Variants in KAZN observed in about 807,000 individuals in gnomAD.
The protein encoded by KAZN is kazrin, periplakin interacting protein, also known as kazrin.
In KAZN, 40 loss-of-function variants were observed where a neutral mutation model predicts 87.4. The observed-to-expected ratio is 0.46, with a 90% CI of 0.36 to 0.60. The LOEUF (loss-of-function observed/expected upper bound fraction) is 0.60. Ranked by LOEUF, KAZN falls within the 20% of genes least tolerant of loss-of-function variation. The probability of loss-of-function intolerance (pLI) is 0.00; values close to 1 mark genes in which losing one functional copy is unlikely to be tolerated. For synonymous variants in KAZN, 466 were observed against 458.3 expected (o/e 1.02, Z -0.22); for missense variants, 898 against 1,073.9 (o/e 0.84, Z 2.29).
At chr1:14,171,123 A>G (rs1296309628) in intron 1 of KAZN, among the ~76,000 whole-genome samples, 1 of 152,220 alleles carries the variant, frequency 6.6e-6, no homozygotes, top group Admixed American at 6.5e-5. Context: ...GCAGCACTTC[A>G]TTCCTACTGT....
chr1:14,589,539 G>T (rs59945838), intron 2 of KAZN, among the ~76,000 whole-genome samples: 1 of 152,234 alleles, frequency 6.6e-6, no homozygotes, highest in African/African-American at 2.4e-5. Flanking sequence ...CTTATACAGC[G>T]TACACCATTT....
chr1:15,007,056 CAAAAAAAAAAAA>C (rs35245453), intron 2 of KAZN, among the ~76,000 whole-genome samples: 3 of 67,912 alleles, frequency 4.4e-5, no homozygotes, highest in Non-Finnish European at 2.8e-5. Flanking sequence ...GACTCCGTCT[CAAAAAAAAAAAA>C]AAAAAAAAAG....
chr1:15,111,271 T>TTTTTGTTGTTG (rs1553192158), intron 13 of KAZN, among the ~76,000 whole-genome samples: 23 of 147,588 alleles, frequency 1.6e-4, no homozygotes, highest in East Asian at 1.4e-3. Flanking sequence ...GTTGTTGTTG[T>TTTTTGTTGTTG]TTGTTGTTGT....
At chr1:14,339,100 G>C (rs1204487182) in intron 2 of KAZN, among the ~76,000 whole-genome samples, 1 of 146,304 alleles carries the variant, frequency 6.8e-6, no homozygotes, top group East Asian at 2.0e-4. Flanking sequence ...GAGAGAGACA[G>C]AGACTGAGAG....
chr1:13,955,881 G>T (rs1346096502), intron 1 of KAZN, among the ~76,000 whole-genome samples: 1 of 152,144 alleles, frequency 6.6e-6, no homozygotes, highest in African/African-American at 2.4e-5. Context: ...CCTCTGGGGT[G>T]GGCCATCTTC....
chr1:14,164,302 T>C (rs1459495655), intron 1 of KAZN, among the ~76,000 whole-genome samples: 1 of 152,144 alleles, frequency 6.6e-6, no homozygotes, highest in Non-Finnish European at 1.5e-5. Flanking sequence ...CTAGAAGATA[T>C]GCCTTTAGAT....
At chr1:14,113,061 A>G (rs1644534370) in intron 1 of KAZN, among the ~76,000 whole-genome samples, 1 of 152,158 alleles carries the variant, frequency 6.6e-6, no homozygotes, top group Non-Finnish European at 1.5e-5. Flanking sequence ...TCACTTTTTC[A>G]ATGTGCACCC....
intron 2 of KAZN, among the ~76,000 whole-genome samples, chr1:14,326,179 C>T (rs1656398346): frequency 1.3e-5 from 2 of 152,134 alleles, no homozygotes; most frequent in South Asian, 2.1e-4. Flanking sequence ...CTAGTTTCAT[C>T]TCTCATGTCT....
rs146434482 is a variant in KAZN, at chr1:14,090,881, C to T, written c.92-89554C>T. Among the ~76,000 whole-genome samples the T allele has an allele frequency of 2.6e-4, 39 of 151,956 alleles. 1 individual carries two copies. Among genetic ancestry groups the T allele is most frequent in the South Asian group, 4.2e-4 (2 of 4,802 alleles). On this transcript the variant is annotated intron_variant, in intron 1 of 16. Transcript: ENST00000636203. ...GTAATCCCAGCACTTTGGGAGGCCG[C>T]GGTGGGTGGATCAAGAGGTCAGGTG...
intron 1 of KAZN, among the ~76,000 whole-genome samples, chr1:14,759,082 C>T (rs1343702548): frequency 6.6e-6 from 1 of 152,150 alleles, no homozygotes; most frequent in African/African-American, 2.4e-5. Context: ...AGGGAGGATT[C>T]TCTTGGAGAT....
intron 2 of KAZN, among the ~76,000 whole-genome samples, chr1:14,343,749 T>C (rs1657905815): frequency 6.6e-6 from 1 of 152,232 alleles, no homozygotes; most frequent in Non-Finnish European, 1.5e-5. Flanking sequence ...TTTCAATTAA[T>C]TCCTCTGCTA....
At chr1:14,546,828 C>T (rs1158249293) in intron 2 of KAZN, among the ~76,000 whole-genome samples, 1 of 152,158 alleles carries the variant, frequency 6.6e-6, no homozygotes, top group Non-Finnish European at 1.5e-5. Flanking sequence ...TTTAAAGAAG[C>T]ATCTTTCTTG....
Position 14,681,190 on chromosome 1 carries a change from A to G in KAZN, c.226+81967A>G, listed in dbSNP as rs529431271. Among the ~76,000 whole-genome samples, 27 of 152,344 alleles carry G rather than the reference A, an allele frequency of 1.8e-4. No homozygotes were observed. The South Asian group carries it at 5.6e-3, about 32-fold the overall frequency. On this transcript the variant is annotated intron_variant, in intron 1 of 14. Coordinates refer to ENST00000376030, the MANE Select transcript of KAZN (RefSeq NM_201628.3). ...GGCCCCACTTCCAACACTGGGGGTT[A>G]CATCGCAACATGAGGTTTGGGTGGG... is the stretch of plus-strand genomic sequence containing the variant.
rs141153528 is a variant in KAZN at position 14,690,247 on chromosome 1, G to A, written c.226+91024G>A. Among the ~76,000 whole-genome samples the A allele has an allele frequency of 3.0e-4, 45 of 152,232 alleles. 1 individual carries two copies. In the East Asian group the frequency reaches 8.7e-3, roughly 29 times the overall value. On this transcript the variant is annotated intron_variant, in intron 1 of 14. Transcript: ENST00000376030. ...CTTGTCTTTTATTTCTCAAGCGCTG[G>A]TAATATACAAGGCCCTATAAAAACA...
Position 13,954,191 on chromosome 1 carries a change from G to A in KAZN, c.91+60435G>A, listed in dbSNP as rs114460091. 1.7e-3 allele frequency among the ~76,000 whole-genome samples: 264 copies of A among 152,282 alleles called. 1 individual carries two copies. Among genetic ancestry groups the A allele is most frequent in the Non-Finnish European group, 3.4e-3 (228 of 68,022 alleles). The stretch of plus-strand genomic sequence containing the variant: ...TGCACTCCAGCCTGGGCAACAGAAT[G>A]AGACTCTGTCTCAAAAACAGCAACA... On this transcript the variant is annotated intron_variant, in intron 1 of 16. Coordinates refer to the KAZN transcript ENST00000636203.
In KAZN at chr1:15,044,041, G is replaced by A. The variant is rs146956161; in HGVS notation, c.608G>A (p.Arg203His). 1.8e-5 allele frequency: 29 copies of A among 1,612,498 alleles called. No homozygotes were observed. The highest frequency in any genetic ancestry group is 4.0e-5 in the African/African-American group (3 of 74,910). Reference protein sequence around the residue: ...ALAKEKDLLEREKWELRRQAK... With the variant: ...ALAKEKDLLEHEKWELRRQAK... ...GCCAAGGAGAAGGACCTGCTGGAGC[G>A]TGAGAAGTGGGAGCTGCGGCGCCAA... Residue 203 changes from arginine to histidine, a missense_variant, in exon 4 of 15, where the codon CGT becomes CAT. Transcript: ENST00000376030.
intron 2 of KAZN, among the ~76,000 whole-genome samples, chr1:14,976,844 G>T (rs553336552): frequency 1.3e-5 from 2 of 152,304 alleles, no homozygotes; most frequent in African/African-American, 4.8e-5. Flanking sequence ...ACAAGGTCAA[G>T]GAGTTCGAGA....
chr1:14,789,827 C>G (rs1572487197), intron 1 of KAZN, among the ~76,000 whole-genome samples: 1 of 126,146 alleles, frequency 7.9e-6, no homozygotes, highest in Admixed American at 8.7e-5. Flanking sequence ...ATCTGGCACA[C>G]AGTTAATATG....
chr1:14,057,045 A>G (rs1024078874), intron 1 of KAZN, among the ~76,000 whole-genome samples: 4 of 101,616 alleles, frequency 3.9e-5, no homozygotes, highest in African/African-American at 1.3e-4. Context: ...CCCTGTCTCA[A>G]AAAAAAAAAA....
Sources: allele counts gnomAD v4.1 joint callset (sites outside exome capture counted in the v4.1 genomes callset), GRCh38; gene constraint gnomAD v4.1.1; transcripts MANE v1.5; gene names NCBI Gene and HGNC (gene_info 2026-07-23, HGNC 2026-07-21).